PTGER3: variants seen among roughly 807,000 people sequenced by gnomAD.
The protein encoded by PTGER3 is prostaglandin E2 receptor EP3 subtype.
A neutral mutation model predicts 34.7 loss-of-function variants in PTGER3; 22 were observed. The observed-to-expected ratio is 0.63, with a 90% CI of 0.45 to 0.91. The LOEUF is 0.91. Among genes scored for constraint, PTGER3 ranks in the 40% least tolerant of loss-of-function variants. The pLI, the probability that PTGER3 is intolerant of heterozygous loss-of-function variation, is 0.00. For synonymous variants in PTGER3, 241 were observed against 230.1 expected, an observed-to-expected ratio of 1.05 and a Z score of -0.43; for missense variants, 468 against 519.4, an observed-to-expected ratio of 0.90 and a Z score of 0.96.
chr1:70,985,471 T>C (rs1253511042), intron 2 of PTGER3, among the ~76,000 whole-genome samples: 1 of 152,052 alleles, frequency 6.6e-6, no homozygotes, highest in Non-Finnish European at 1.5e-5. Flanking sequence ...AACAGCAAAC[T>C]GTTTCTCATA....
chr1:71,024,958 G>A (rs1231417006), intron 1 of PTGER3, among the ~76,000 whole-genome samples: 3 of 150,848 alleles, frequency 2.0e-5, no homozygotes, highest in South Asian at 2.1e-4. Context: ...TATGCACAAC[G>A]TGCAGGTTTG....
At position 71,025,165 on chromosome 1, in the gene PTGER3, T is replaced by TTCCTTCCTTCCTTCCTTCCTTCCTTCC. The variant is rs1553178212; in HGVS notation, c.898-12682_898-12681insGGAAGGAAGGAAGGAAGGAAGGAAGGA. 4.9e-4 allele frequency among the ~76,000 whole-genome samples: 39 copies of TTCCTTCCTTCCTTCCTTCCTTCCTTCC among 79,648 alleles called. 1 individual carries two copies. Among genetic ancestry groups the TTCCTTCCTTCCTTCCTTCCTTCCTTCC allele is most frequent in the African/African-American group, 1.1e-3 (21 of 19,754 alleles). The allele number at this position is 79,648 out of a possible 152,430, so 52.3% of individuals were successfully genotyped here. A position where few individuals can be genotyped will look rare whatever the true frequency, so the allele number is the denominator to read the frequency against. On this transcript the variant is annotated intron_variant, in intron 1 of 3. Transcript: ENST00000306666. ...CCTTCCTTCCTTCCTTCCTTCCTTC[T>TTCCTTCCTTCCTTCCTTCCTTCCTTCC]TTCCTTCCTTTTTTTCCTTCCTTCC... is the stretch of plus-strand genomic sequence containing the variant.
chr1:70,942,228 A>C (rs1649823627), intron 4 of PTGER3, among the ~76,000 whole-genome samples: 1 of 152,266 alleles, frequency 6.6e-6, no homozygotes, highest in South Asian at 2.1e-4. Context: ...GAGAGCCTTG[A>C]GATGAATGGA....
intron 4 of PTGER3, among the ~76,000 whole-genome samples, chr1:70,882,158 G>A (rs1053279483): frequency 2.6e-5 from 4 of 152,212 alleles, no homozygotes; most frequent in Admixed American, 6.5e-5. Context: ...CTGAGTTCAG[G>A]CAGAAGAGGG....
chr1:70,894,468 G>T (rs1248761718), intron 4 of PTGER3, among the ~76,000 whole-genome samples: 1 of 152,106 alleles, frequency 6.6e-6, no homozygotes, highest in African/African-American at 2.4e-5. Flanking sequence ...CATGACCTTG[G>T]ATAGTTTATT....
chr1:71,010,867 C>CA, intron 2 of PTGER3: 1 of 984,974 alleles, frequency 1.0e-6, no homozygotes. Flanking sequence ...TTGTACCTAT[C>CA]AAAATTAATT....
intron 3 of PTGER3, 88 bp from the exon 4 acceptor site, chr1:70,971,821 A>C: frequency 1.2e-6 from 1 of 846,458 alleles, no homozygotes; most frequent in Non-Finnish European, 1.8e-6. Flanking sequence ...AGTAAAATAT[A>C]AGTAATAAAT....
chr1:71,025,113 C>T lies in PTGER3; in HGVS notation c.898-12629G>A, dbSNP rs1414507529. Reference sequence around the variant, plus strand: ...CACAGGAAGGGGAACATCATTCAATCCTTTTCAAGATTCCAGGCCCTTCCT... The same window carrying T: ...CACAGGAAGGGGAACATCATTCAATTCTTTTCAAGATTCCAGGCCCTTCCT... On this transcript the variant is annotated intron_variant, in intron 1 of 3. Transcript: ENST00000306666. Among the ~76,000 whole-genome samples, 12 of 119,952 alleles carry T rather than the reference C, an allele frequency of 1.0e-4. No homozygotes were observed. The Admixed American group carries it at 1.1e-3, about 11-fold the overall frequency. The allele number at this position is 119,952 out of a possible 152,430, so 78.7% of individuals were successfully genotyped here. A position where few individuals can be genotyped will look rare whatever the true frequency, so the allele number is the denominator to read the frequency against.
intron 4 of PTGER3, among the ~76,000 whole-genome samples, chr1:70,933,914 G>A (rs1429644097): frequency 6.6e-6 from 1 of 152,114 alleles, no homozygotes; most frequent in African/African-American, 2.4e-5. Flanking sequence ...GGAAATAGGT[G>A]AGGCAGACTC....
At chr1:71,041,499 A>G (rs1660310531) in intron 1 of PTGER3, among the ~76,000 whole-genome samples, 4 of 152,164 alleles carry the variant, frequency 2.6e-5, no homozygotes, top group Admixed American at 2.6e-4. Flanking sequence ...TGTCTTTACT[A>G]TGTTTACAGT....
intron 4 of PTGER3, among the ~76,000 whole-genome samples, chr1:70,873,263 C>G (rs1039195541): frequency 3.3e-5 from 5 of 152,102 alleles, no homozygotes; most frequent in Non-Finnish European, 7.3e-5. Flanking sequence ...TTTAGGTTTA[C>G]CAGGTATAGT....
chr1:71,007,606 C>T, intron 2 of PTGER3: 1 of 985,372 alleles, frequency 1.0e-6, no homozygotes, highest in Non-Finnish European at 1.2e-6. Context: ...TCTATGTTCT[C>T]TGCCCCACCC....
At chr1:70,953,090 A>T (rs1462607513) in intron 3 of PTGER3, 2 of 1,509,922 alleles carry the variant, frequency 1.3e-6, no homozygotes, top group African/African-American at 2.8e-5. Flanking sequence ...TGAGAAAAGA[A>T]AATAATAAAA....
At chr1:70,947,067 A>C (rs1321383346) in intron 4 of PTGER3, among the ~76,000 whole-genome samples, 1 of 152,246 alleles carries the variant, frequency 6.6e-6, no homozygotes, top group East Asian at 1.9e-4. Context: ...GAAGTCAATG[A>C]TCTGCTCTAT....
chr1:71,026,242 T>C (rs12139935), intron 1 of PTGER3, among the ~76,000 whole-genome samples: 56,794 of 152,064 alleles, frequency 0.37, 11,519 homozygotes, highest in South Asian at 0.47. Context: ...AGGAACTGAG[T>C]AATACTCACA....
At chr1:70,932,830 C>A (rs1648844767) in intron 4 of PTGER3, among the ~76,000 whole-genome samples, 1 of 152,072 alleles carries the variant, frequency 6.6e-6, no homozygotes, top group Non-Finnish European at 1.5e-5. Flanking sequence ...TGAATTCTAC[C>A]CTTCCTCAAG....
At chr1:70,868,318 A>G (rs1374181964) in intron 4 of PTGER3, among the ~76,000 whole-genome samples, 1 of 152,138 alleles carries the variant, frequency 6.6e-6, no homozygotes, top group Admixed American at 6.5e-5. Flanking sequence ...TACTTCTGCT[A>G]CTTATAGTTA....
chr1:70,967,559 C>A (rs1652657245), downstream of PTGER3, among the ~76,000 whole-genome samples: 1 of 151,492 alleles, frequency 6.6e-6, no homozygotes, highest in African/African-American at 2.4e-5. Flanking sequence ...TCAGTAAAAG[C>A]CTGGATTAAT....
At chr1:70,869,770 A>T (rs7539357) in intron 4 of PTGER3, among the ~76,000 whole-genome samples, 1 of 152,222 alleles carries the variant, frequency 6.6e-6, no homozygotes, top group East Asian at 1.9e-4. Flanking sequence ...CAGTGGTGCA[A>T]GGTGTGAGCT....
Sources: gnomAD v4.1 joint callset for allele counts (sites outside exome capture counted in the v4.1 genomes callset) on GRCh38, gnomAD v4.1.1 for gene constraint, MANE v1.5 for transcripts, NCBI Gene and HGNC (gene_info 2026-07-23, HGNC 2026-07-21) for gene names.